RPGR: variants seen among roughly 807,000 people sequenced by gnomAD.
RPGR encodes the protein X-linked retinitis pigmentosa GTPase regulator.
RPGR carries 10 observed loss-of-function variants against 56.3 expected under a neutral mutation model. That is an observed-to-expected ratio of 0.18 (90% CI 0.11 to 0.30). The LOEUF is 0.30. Among genes scored for constraint, RPGR ranks in the 10% least tolerant of loss-of-function variants. RPGR has a pLI of 1.00. For synonymous variants in RPGR, 197 were observed against 212.9 expected (o/e 0.93, Z 0.65); for missense variants, 538 against 590.9 (o/e 0.91, Z 0.93).
chrX:38,279,831 G>T (rs2066998469), intron 15 of RPGR, among the ~76,000 whole-genome samples: 1 of 111,870 alleles, frequency 8.9e-6, no homozygotes, highest in Admixed American at 9.5e-5. Context: ...GGTAGAAAAT[G>T]TTTCCCAGAT....
chrX:38,303,302 T>C (rs1241939694), intron 8 of RPGR, among the ~76,000 whole-genome samples: 1 of 108,580 alleles, frequency 9.2e-6, no homozygotes, highest in East Asian at 2.8e-4. Flanking sequence ...TACATACTTC[T>C]CATTAGTCCT....
chrX:38,281,917 T>C (rs1284493434), intron 15 of RPGR, among the ~76,000 whole-genome samples: 1 of 110,895 alleles, frequency 9.0e-6, no homozygotes, highest in Non-Finnish European at 1.9e-5. Flanking sequence ...GATGTTTTTT[T>C]TCTCCGCCTC....
intron 15 of RPGR, chrX:38,285,773 C>T: frequency 8.3e-7 from 1 of 1,211,222 alleles, no homozygotes; most frequent in Non-Finnish European, 1.1e-6. Context: ...CTTTCATTCT[C>T]TTCTTCGCCT....
chrX:38,299,732 A>C (rs1396836560), intron 9 of RPGR, among the ~76,000 whole-genome samples: 2 of 103,173 alleles, frequency 1.9e-5, no homozygotes, highest in Admixed American at 1.1e-4. Context: ...CATTTTCAAG[A>C]AAATGCTAAA....
intron 18 of RPGR, chrX:38,272,687 T>C (rs1201635471): frequency 1.8e-5 from 2 of 110,787 alleles, no homozygotes; most frequent in Non-Finnish European, 3.8e-5. Context: ...TGGCAGGTTA[T>C]ATACAAAGTT....
At chrX:38,319,730 TTGTTAATTACTC>T (rs201142832) in intron 4 of RPGR, among the ~76,000 whole-genome samples, 2,222 of 112,519 alleles carry the variant, frequency 0.02, 48 homozygotes, top group African/African-American at 0.068. Context: ...GTAAAAATGT[TTGTTAATTACTC>T]TGTTAATTAA....
At chrX:38,277,937 G>C (rs1249988178) in intron 15 of RPGR, among the ~76,000 whole-genome samples, 1 of 112,317 alleles carries the variant, frequency 8.9e-6, no homozygotes, top group Admixed American at 9.4e-5. Flanking sequence ...GTAAACATTA[G>C]TGTCATCCTC....
chrX:38,285,504 TCTGA>T (rs781132332), intron 15 of RPGR: 83 of 1,208,190 alleles, frequency 6.9e-5, no homozygotes, highest in Non-Finnish European at 7.8e-5. Flanking sequence ...ATTTAAATTG[TCTGA>T]CTGGCCATAA....
At chrX:38,310,261 A>G (rs1413425833) in intron 7 of RPGR, among the ~76,000 whole-genome samples, 2 of 111,432 alleles carry the variant, frequency 1.8e-5, no homozygotes, top group African/African-American at 6.5e-5. Flanking sequence ...AAAAGTGAGA[A>G]TCTTAATGGA....
intron 14 of RPGR, 105 bp downstream of exon 14, chrX:38,287,756 C>T (rs756418039): frequency 1.3e-6 from 1 of 753,850 alleles, no homozygotes; most frequent in Admixed American, 2.3e-5. Flanking sequence ...ATTTCCTTAG[C>T]ATCAAGTTGA....
intron 13 of RPGR, among the ~76,000 whole-genome samples, chrX:38,290,001 T>C (rs1000760342): frequency 2.7e-5 from 3 of 112,015 alleles, no homozygotes; most frequent in African/African-American, 6.5e-5. Context: ...TCAATATTCA[T>C]TGAGCTTCTA....
intron 15 of RPGR, chrX:38,285,353 A>G: frequency 1.9e-6 from 2 of 1,072,211 alleles, no homozygotes; most frequent in Non-Finnish European, 2.4e-6. Context: ...AGTTTGAGAG[A>G]GGCCAAAATT....
rs1361865756 is a variant in RPGR at position 38,269,687 on chromosome X, T to C, written c.2387A>G (p.Asn796Ser). ...ATTTGTTGGTGGGATATTCTGATGA[T>C]TCTGACTCATGTGGTTCTGGTCGGC... is the stretch of plus-strand genomic sequence containing the variant. Residue 796 changes from asparagine to serine, a missense_variant, in exon 19 of 19, where the codon AAT (asparagine) becomes AGT (serine). Transcript: ENST00000642395. The C allele has an allele frequency of 5.0e-6, 6 of 1,208,057 alleles. No homozygotes were observed. Among genetic ancestry groups the C allele is most frequent in the Non-Finnish European group, 6.7e-6 (6 of 893,585 alleles).
Position 38,269,794 on chromosome X carries a change from C to A in RPGR, c.2280G>T (p.Lys760Asn). 8.3e-7 allele frequency: 1 copy of A among 1,208,784 alleles called. No homozygotes were observed. The highest frequency in any genetic ancestry group is 1.8e-5 in the South Asian group (1 of 56,854). The change falls in exon 19 of 19, where the codon AAG (lysine) becomes AAT (asparagine). Residue 760 changes from lysine to asparagine, a missense_variant. Lys to Asn is a moderately conservative substitution (Grantham distance 94). Transcript: ENST00000642395. ...GCGGCTCATTGTTATTCTTGACAATCTTTTGATTTATTGAGGGGACTCTTT... is the reference window on the plus strand; with the variant it reads ...GCGGCTCATTGTTATTCTTGACAATATTTTGATTTATTGAGGGGACTCTTT...
At chrX:38,287,057 C>T in intron 15 of RPGR, 1 of 1,211,212 alleles carries the variant, frequency 8.3e-7, no homozygotes, top group Non-Finnish European at 1.1e-6. Flanking sequence ...GGCCCATCCT[C>T]TGCTTCTCCC....
intron 13 of RPGR, 60 bp downstream of exon 13, chrX:38,290,899 C>A (rs1193527456): frequency 1.8e-6 from 1 of 540,831 alleles, no homozygotes; most frequent in Non-Finnish European, 3.0e-6. Context: ...AAAAACCATC[C>A]AAAAAATTAA....
At chrX:38,315,461 G>T (rs1184899386) in intron 6 of RPGR, among the ~76,000 whole-genome samples, 1 of 111,989 alleles carries the variant, frequency 8.9e-6, no homozygotes, top group Admixed American at 9.5e-5. Context: ...AATAAAACAG[G>T]CACAGAAAGA....
In RPGR at chrX:38,286,944, T is replaced by C. The variant is rs370892592; in HGVS notation, c.1905+150A>G. On this transcript the variant is annotated intron_variant, in intron 15 of 18. Transcript: ENST00000642395. Reference sequence around the variant, plus strand: ...TCTCTCCCTCTCCTGGCCTCTCCATTTCTCCTCTACCCTTGTCTTTCTCCC... The same window carrying C: ...TCTCTCCCTCTCCTGGCCTCTCCATCTCTCCTCTACCCTTGTCTTTCTCCC... The C allele has an allele frequency of 1.7e-4, 210 of 1,204,534 alleles. 1 individual carries two copies. Among genetic ancestry groups the C allele is most frequent in the Middle Eastern group, 6.9e-4 (3 of 4,363 alleles).
intron 18 of RPGR, chrX:38,269,903 A>G: frequency 1.3e-6 from 1 of 772,541 alleles, no homozygotes. Context: ...TATTTAGGGG[A>G]TATCATTTTC....
Sources: gnomAD v4.1 joint callset for allele counts (sites outside exome capture counted in the v4.1 genomes callset) on GRCh38, gnomAD v4.1.1 for gene constraint, MANE v1.5 for transcripts, NCBI Gene and HGNC (gene_info 2026-07-23, HGNC 2026-07-21) for gene names.